The following SLC2A9 variants were observed in gnomAD, a reference collection of about 807,000 sequenced individuals.
SLC2A9 encodes solute carrier family 2, facilitated glucose transporter member 9.
Under a neutral mutation model 50.6 loss-of-function variants are expected in SLC2A9, and 39 were observed. That is an observed-to-expected ratio of 0.77 (90% CI 0.60 to 1.01). The LOEUF (loss-of-function observed/expected upper bound fraction) is 1.01. SLC2A9 is among the 50% of genes least tolerant of loss of function. SLC2A9 has a pLI of 0.00. For missense variants in SLC2A9, 686 were observed against 677.6 expected (o/e 1.01, Z -0.14); for synonymous variants, 324 against 276.9 (o/e 1.17, Z -1.69).
Position 10,001,149 on chromosome 4 carries a change from G to T in SLC2A9, c.250-4208C>A, listed in dbSNP as rs541996790. The stretch of plus-strand genomic sequence containing the variant: ...AGAAAGAGGACACAAAGACAGACAC[G>T]GGTACAGAGTGAATTTTGTTCCCCT... On this transcript the variant is annotated intron_variant, in intron 2 of 11. Transcript: ENST00000264784. 1.1e-3 allele frequency among the ~76,000 whole-genome samples: 164 copies of T among 152,216 alleles called. 2 individuals are homozygous for T. Among genetic ancestry groups the T allele is most frequent in the African/African-American group, 3.7e-3 (152 of 41,502 alleles).
chr4:9,792,466 G>A (rs1222606260), intron 3 of SLC2A9, among the ~76,000 whole-genome samples: 2 of 152,014 alleles, frequency 1.3e-5, no homozygotes, highest in Non-Finnish European at 2.9e-5. Context: ...TAGGATTACA[G>A]GTAGGAGCCA....
At chr4:9,863,590 A>G (rs1027502249) in intron 10 of SLC2A9, among the ~76,000 whole-genome samples, 3 of 152,140 alleles carry the variant, frequency 2.0e-5, no homozygotes, top group Admixed American at 6.5e-5. Context: ...GGCCCTCTTA[A>G]GGCATAATTC....
chr4:10,014,630 G>T (rs974593868), intron 2 of SLC2A9, among the ~76,000 whole-genome samples: 5 of 152,162 alleles, frequency 3.3e-5, no homozygotes, highest in Non-Finnish European at 7.3e-5. Flanking sequence ...TCAAGCCCCA[G>T]TGAGGCCCCA....
Position 9,850,257 on chromosome 4 carries a change from C to T in SLC2A9, c.1292-15249G>A, listed in dbSNP as rs188386923. Among the ~76,000 whole-genome samples, 35 of 152,344 alleles carry T rather than the reference C, an allele frequency of 2.3e-4. 1 individual carries two copies. In the East Asian group the frequency reaches 6.2e-3, roughly 27 times the overall value. ...GCAGCAGGATACCCCACAACCCCCA[C>T]AGACACTTGAGACGACAGGGAGAAC... On this transcript the variant is annotated intron_variant, in intron 10 of 11. Coordinates refer to ENST00000264784, the MANE Select transcript of SLC2A9 (RefSeq NM_020041.3).
At chr4:9,955,675 T>C (rs1296415878) in intron 5 of SLC2A9, among the ~76,000 whole-genome samples, 1 of 152,042 alleles carries the variant, frequency 6.6e-6, no homozygotes, top group Non-Finnish European at 1.5e-5. Context: ...CTCTGCCTTA[T>C]GCCCCTCGTC....
chr4:9,818,784 G>A (rs1011580517), intron 3 of SLC2A9, among the ~76,000 whole-genome samples: 3 of 152,174 alleles, frequency 2.0e-5, no homozygotes, highest in Non-Finnish European at 4.4e-5. Flanking sequence ...TCCAGGGATG[G>A]TCTAGCCCTT....
At chr4:9,878,943 C>G (rs529247235) in intron 10 of SLC2A9, 7 of 695,014 alleles carry the variant, frequency 1.0e-5, no homozygotes, top group Non-Finnish European at 1.2e-5. Flanking sequence ...TACACACACA[C>G]ATTTGGTGTG....
intron 6 of SLC2A9, among the ~76,000 whole-genome samples, chr4:9,933,328 G>A: frequency 6.6e-6 from 1 of 152,200 alleles, no homozygotes; most frequent in Admixed American, 6.5e-5. Flanking sequence ...AGGCCACTGG[G>A]CAGGCCAGTG....
downstream of SLC2A9, among the ~76,000 whole-genome samples, chr4:9,779,402 A>G (rs1484649598): frequency 1.3e-5 from 2 of 150,208 alleles, no homozygotes; most frequent in African/African-American, 4.9e-5. Flanking sequence ...GTTAAAGTCT[A>G]TCTAGACTTT....
chr4:9,826,528 C>A lies in SLC2A9; in HGVS notation c.1492G>T (p.Val498Leu). The A allele has an allele frequency of 1.9e-6, 3 of 1,613,974 alleles. No homozygotes were observed. Among genetic ancestry groups the A allele is most frequent in the Non-Finnish European group, 2.5e-6 (3 of 1,179,962 alleles). ...GTTCTGTTTTTGGTCTCAGGCAGCA[C>A]AAAATACAGGTAGATAGCACCTGTG... ...CITGAIYLYF[V>L]LPETKNRTYA... Residue 498 changes from valine to leucine, a missense_variant, in exon 12 of 12, where the codon GTG becomes TTG. By Grantham distance (32) the Val-to-Leu change is conservative (BLOSUM62 1). Transcript: ENST00000264784.
chr4:9,836,034 C>A (rs1727023964), intron 10 of SLC2A9, among the ~76,000 whole-genome samples: 2 of 136,380 alleles, frequency 1.5e-5, no homozygotes, highest in South Asian at 4.5e-4. Context: ...TTGCAGTGAG[C>A]CGAGATCAAG....
intron 3 of SLC2A9, among the ~76,000 whole-genome samples, chr4:9,800,280 T>C (rs1174111512): frequency 6.6e-6 from 1 of 152,218 alleles, no homozygotes; most frequent in Non-Finnish European, 1.5e-5. Flanking sequence ...CAAATTCATA[T>C]GTTGAAGTCC....
At chr4:9,884,024 CG>C (rs1261355730) in intron 10 of SLC2A9, among the ~76,000 whole-genome samples, 1 of 152,190 alleles carries the variant, frequency 6.6e-6, no homozygotes, top group Non-Finnish European at 1.5e-5. Context: ...CAGAGACACT[CG>C]GGGTTGGCAG....
chr4:9,792,331 C>G (rs2108888702), intron 3 of SLC2A9, among the ~76,000 whole-genome samples: 1 of 150,652 alleles, frequency 6.6e-6, no homozygotes, highest in South Asian at 2.1e-4. Context: ...CATGCACCAC[C>G]ACACCTGGAT....
intron 8 of SLC2A9, among the ~76,000 whole-genome samples, chr4:9,897,404 C>G (rs1738753255): frequency 6.6e-6 from 1 of 151,708 alleles, no homozygotes. Flanking sequence ...TATTGGAATC[C>G]TAATCTCCTA....
intron 8 of SLC2A9, among the ~76,000 whole-genome samples, chr4:9,907,935 T>A (rs2280203): frequency 6.6e-6 from 1 of 152,112 alleles, no homozygotes; most frequent in African/African-American, 2.4e-5. Context: ...TTTGTTGCCT[T>A]AGGTTCCCAC....
downstream of SLC2A9, among the ~76,000 whole-genome samples, chr4:9,775,750 T>C (rs1434853777): frequency 6.6e-6 from 1 of 152,202 alleles, no homozygotes; most frequent in Non-Finnish European, 1.5e-5. Flanking sequence ...AGCACCATGC[T>C]TCTTGTAAAG....
chr4:9,941,854 C>A (rs1407640678), intron 6 of SLC2A9, 59 bp downstream of exon 6: 46 of 1,610,148 alleles, frequency 2.9e-5, no homozygotes, highest in Non-Finnish European at 3.6e-5. Context: ...TCCCAGCATG[C>A]CTTGCAGTGA....
intron 3 of SLC2A9, among the ~76,000 whole-genome samples, chr4:9,809,452 C>T (rs764265924): frequency 6.6e-5 from 10 of 152,146 alleles, no homozygotes; most frequent in African/African-American, 9.7e-5. Flanking sequence ...GACCACAGGG[C>T]GCCTGACTCT....
Sources: allele counts gnomAD v4.1 joint callset (sites outside exome capture counted in the v4.1 genomes callset), GRCh38; gene constraint gnomAD v4.1.1; transcripts MANE v1.5; gene names NCBI Gene and HGNC (gene_info 2026-07-23, HGNC 2026-07-21).